Variants in FBXL7 observed in about 807,000 individuals in gnomAD.
The protein encoded by FBXL7 is F-box and leucine rich repeat protein 7, also known as F-box/LRR-repeat protein 7.
FBXL7 carries 12 observed loss-of-function variants against 38.3 expected under a neutral mutation model. The ratio of observed to expected loss-of-function variants is 0.31; its 90% CI spans 0.20 to 0.51. The LOEUF is 0.51. Among genes scored for constraint, FBXL7 ranks in the 20% least tolerant of loss-of-function variants. FBXL7 has a pLI of 0.98. For synonymous variants in FBXL7, 297 were observed against 300.9 expected (o/e 0.99, Z 0.13); for missense variants, 567 against 676.4 (o/e 0.84, Z 1.79).
intron 1 of FBXL7, among the ~76,000 whole-genome samples, chr5:15,502,357 T>C (rs1209530721): frequency 1.3e-5 from 2 of 151,748 alleles, no homozygotes; most frequent in Non-Finnish European, 2.9e-5. Context: ...CGACTTCCTG[T>C]CTGAACAGCA....
chr5:15,898,571 A>G (rs1741159791), intron 2 of FBXL7, among the ~76,000 whole-genome samples: 2 of 152,356 alleles, frequency 1.3e-5, no homozygotes, highest in South Asian at 4.1e-4. Flanking sequence ...ATTGATTCCA[A>G]CAAAATTGTC....
At chr5:15,641,954 TG>T (rs1741380797) in intron 2 of FBXL7, among the ~76,000 whole-genome samples, 3 of 141,790 alleles carry the variant, frequency 2.1e-5, no homozygotes, top group Non-Finnish European at 4.6e-5. Context: ...TGTGTGTGTG[TG>T]TGTGTGTGTG....
intron 2 of FBXL7, among the ~76,000 whole-genome samples, chr5:15,891,484 T>G (rs1160331440): frequency 6.6e-6 from 1 of 152,222 alleles, no homozygotes; most frequent in African/African-American, 2.4e-5. Flanking sequence ...TTATGTAAAC[T>G]AGACTCTGTA....
chr5:15,808,960 T>C (rs545470104), intron 2 of FBXL7, among the ~76,000 whole-genome samples: 1 of 152,314 alleles, frequency 6.6e-6, no homozygotes, highest in East Asian at 1.9e-4. Context: ...ATTATTTTTA[T>C]CCAACAAACC....
intron 2 of FBXL7, among the ~76,000 whole-genome samples, chr5:15,888,895 C>CA (rs550095100): frequency 5.3e-5 from 8 of 151,692 alleles, no homozygotes; most frequent in South Asian, 2.1e-4. Flanking sequence ...TTAGAAGAAC[C>CA]AAAAAAAATC....
At chr5:15,776,935 G>A (rs1736871157) in intron 2 of FBXL7, among the ~76,000 whole-genome samples, 1 of 152,040 alleles carries the variant, frequency 6.6e-6, no homozygotes, top group African/African-American at 2.4e-5. Context: ...ATATAACACT[G>A]TGATTACATA....
intron 2 of FBXL7, among the ~76,000 whole-genome samples, chr5:15,625,876 A>G (rs538575880): frequency 6.6e-6 from 1 of 152,314 alleles, no homozygotes; most frequent in East Asian, 1.9e-4. Flanking sequence ...CATGTAACAT[A>G]GGAATAGGAA....
chr5:15,594,473 G>A (rs552155527), intron 1 of FBXL7, among the ~76,000 whole-genome samples: 1 of 152,214 alleles, frequency 6.6e-6, no homozygotes, highest in Non-Finnish European at 1.5e-5. Flanking sequence ...GTACCCATTG[G>A]CCTCTCACCA....
At chr5:15,528,127 T>C (rs749161923) in intron 1 of FBXL7, among the ~76,000 whole-genome samples, 1 of 152,224 alleles carries the variant, frequency 6.6e-6, no homozygotes, top group African/African-American at 2.4e-5. Flanking sequence ...CTGTATCCTC[T>C]TTCTGGTTTT....
intron 2 of FBXL7, among the ~76,000 whole-genome samples, chr5:15,766,349 C>T (rs1736592594): frequency 6.6e-6 from 1 of 152,190 alleles, no homozygotes; most frequent in Non-Finnish European, 1.5e-5. Flanking sequence ...TTCCCACCTG[C>T]GCACTGAGAG....
intron 2 of FBXL7, among the ~76,000 whole-genome samples, chr5:15,678,318 G>A (rs574353591): frequency 2.2e-4 from 34 of 152,220 alleles, no homozygotes; most frequent in Non-Finnish European, 4.3e-4. Context: ...CTTGGGATTC[G>A]GTGATACTGA....
chr5:15,760,361 A>G (rs1736406821), intron 2 of FBXL7, among the ~76,000 whole-genome samples: 1 of 151,632 alleles, frequency 6.6e-6, no homozygotes, highest in Non-Finnish European at 1.5e-5. Context: ...TTATATATTC[A>G]CTTCAGGCAC....
At chr5:15,734,440 C>T (rs1735695468) in intron 2 of FBXL7, among the ~76,000 whole-genome samples, 1 of 152,138 alleles carries the variant, frequency 6.6e-6, no homozygotes, top group South Asian at 2.1e-4. Context: ...TGATCTGTGC[C>T]CTCTTCTGAA....
At chr5:15,685,930 A>C (rs1743002467) in intron 2 of FBXL7, among the ~76,000 whole-genome samples, 1 of 152,154 alleles carries the variant, frequency 6.6e-6, no homozygotes. Flanking sequence ...CTGGTCTTTG[A>C]ATTAACTAGC....
chr5:15,586,866 C>A (rs1022362871), intron 1 of FBXL7, among the ~76,000 whole-genome samples: 6 of 152,154 alleles, frequency 3.9e-5, no homozygotes, highest in African/African-American at 1.4e-4. Flanking sequence ...TCTTTTTAGT[C>A]ATTTATCTGG....
At chr5:15,559,869 A>G (rs893240126) in intron 1 of FBXL7, among the ~76,000 whole-genome samples, 5 of 152,316 alleles carry the variant, frequency 3.3e-5, no homozygotes, top group Admixed American at 2.6e-4. Flanking sequence ...ATTAAGTTTT[A>G]TGTGTTTCTT....
chr5:15,876,923 G>T (rs1337809516), intron 2 of FBXL7, among the ~76,000 whole-genome samples: 1 of 152,178 alleles, frequency 6.6e-6, no homozygotes, highest in Non-Finnish European at 1.5e-5. Context: ...GATGAATGAA[G>T]AACTGAAAAG....
chr5:15,574,251 A>G (rs1295114898), intron 1 of FBXL7, among the ~76,000 whole-genome samples: 1 of 152,254 alleles, frequency 6.6e-6, no homozygotes, highest in East Asian at 1.9e-4. Context: ...TTTGACTTAA[A>G]AATAAACTTT....
At chr5:15,512,891 T>C (rs1041758052) in intron 1 of FBXL7, among the ~76,000 whole-genome samples, 1 of 152,228 alleles carries the variant, frequency 6.6e-6, no homozygotes, top group African/African-American at 2.4e-5. Flanking sequence ...ATCATTAATC[T>C]AGAAAACATT....
Sources: gnomAD v4.1 joint callset for allele counts (sites outside exome capture counted in the v4.1 genomes callset) on GRCh38, gnomAD v4.1.1 for gene constraint, MANE v1.5 for transcripts, NCBI Gene and HGNC (gene_info 2026-07-23, HGNC 2026-07-21) for gene names.